The following PTGDR variants were observed in gnomAD, a reference collection of about 807,000 sequenced individuals.
The protein encoded by PTGDR is PGD2 receptor.
PTGDR carries 19 observed loss-of-function variants against 17.4 expected under a neutral mutation model. The observed-to-expected ratio is 1.09, with a 90% CI of 0.76 to 1.60. The LOEUF (loss-of-function observed/expected upper bound fraction) is 1.60, where lower values mean the gene tolerates loss of function less well. PTGDR is among the 40% of genes most tolerant of loss of function. PTGDR has a pLI of 0.00. For synonymous variants in PTGDR, 267 were observed against 224.2 expected (o/e 1.19, Z -1.71); for missense variants, 526 against 481.9 (o/e 1.09, Z -0.86).
At chr14:52,280,351 T>C (rs1323803672), downstream of PTGDR, among the ~76,000 whole-genome samples, 1 of 152,214 alleles carries the variant, frequency 6.6e-6, no homozygotes, top group Non-Finnish European at 1.5e-5. Context: ...GATTTACTGA[T>C]TATGATTGTG....
At chr14:52,274,631 C>A in intron 1 of PTGDR, 100 bp from the exon 2 acceptor site, 1 of 1,045,068 alleles carries the variant, frequency 9.6e-7, no homozygotes, top group Admixed American at 2.3e-5. Flanking sequence ...GTGTTCCAAG[C>A]TAAGCTGTCA....
chr14:52,270,362 A>G (rs1188852596), intron 1 of PTGDR, among the ~76,000 whole-genome samples: 2 of 152,144 alleles, frequency 1.3e-5, no homozygotes, highest in Non-Finnish European at 2.9e-5. Context: ...CCTGGCCAAC[A>G]TGGTGAAACC....
At chr14:52,277,085 C>A (rs1390328301), downstream of PTGDR, among the ~76,000 whole-genome samples, 1 of 152,036 alleles carries the variant, frequency 6.6e-6, no homozygotes, top group Non-Finnish European at 1.5e-5. Context: ...TTTACAGAGA[C>A]CTTGTGCCAA....
intron 1 of PTGDR, 119 bp downstream of exon 1, chr14:52,268,779 G>A: frequency 8.7e-7 from 1 of 1,153,776 alleles, no homozygotes; most frequent in Non-Finnish European, 1.2e-6. Flanking sequence ...CCCTGGGCCA[G>A]GAAGGTTTGC....
At position 52,267,850 on chromosome 14, in the gene PTGDR, C is replaced by A; in HGVS notation, c.36C>A (p.Thr12=). Reference sequence around the variant, plus strand: ...CGTTCTACCGCTGCCAGAACACCACCTCTGTGGAAAAAGGCAACTCGGCGG... The same window carrying A: ...CGTTCTACCGCTGCCAGAACACCACATCTGTGGAAAAAGGCAACTCGGCGG... The part of the protein sequence containing the change: ...KSPFYRCQNT[T]SVEKGNSAVM... The change falls in exon 1 of 2, where the codon ACC becomes ACA. Residue 12 remains threonine (T), a synonymous_variant. Transcript: ENST00000306051. 1 of 1,592,936 alleles carries A rather than the reference C, an allele frequency of 6.3e-7. No homozygotes were observed.
intron 1 of PTGDR, chr14:52,269,666 A>G (rs1392010972): frequency 2.6e-6 from 2 of 776,944 alleles, no homozygotes; most frequent in East Asian, 5.5e-5. Context: ...CATTTTGGAT[A>G]TTACTTTCAA....
downstream of PTGDR, among the ~76,000 whole-genome samples, chr14:52,280,750 G>A (rs11849190): frequency 0.032 from 4,808 of 152,264 alleles, 239 homozygotes; most frequent in African/African-American, 0.1. Flanking sequence ...AGGCATGAAT[G>A]ACTGTTTTCC....
At position 52,275,274 on chromosome 14, in the gene PTGDR, ATT is replaced by A. The variant is rs36144923; in HGVS notation, c.*321_*322del. On this transcript the variant is annotated 3_prime_UTR_variant, in exon 2 of 2. Coordinates refer to ENST00000306051, the MANE Select transcript of PTGDR (RefSeq NM_000953.3). ...CCCTACATTTGTGCTTGGTGGCCCTATTTTTTTTTTTTAGAGAGGCCTTGAGA... is the reference window on the plus strand; with the variant it reads ...CCCTACATTTGTGCTTGGTGGCCCTATTTTTTTTTTAGAGAGGCCTTGAGA... The A allele has an allele frequency of 6.5e-4, 127 of 195,940 alleles. No homozygotes were observed. The highest frequency in any genetic ancestry group is 1.3e-3 in the East Asian group (11 of 8,160). The allele number at this position is 195,940 out of a possible 1,614,324, so 12.1% of individuals were successfully genotyped here.
chr14:52,269,544 AC>A, intron 1 of PTGDR: 1 of 1,527,298 alleles, frequency 6.5e-7, no homozygotes, highest in Non-Finnish European at 8.8e-7. Context: ...CTCCCAAGGT[AC>A]CTGTTCAACA....
chr14:52,271,368 C>T (rs561152278), intron 1 of PTGDR, among the ~76,000 whole-genome samples: 1 of 152,052 alleles, frequency 6.6e-6, no homozygotes, highest in South Asian at 2.1e-4. Context: ...GTCTAAGGAC[C>T]CCTTTATACT....
chr14:52,280,146 G>T (rs569617362), downstream of PTGDR, among the ~76,000 whole-genome samples: 2 of 152,114 alleles, frequency 1.3e-5, no homozygotes, highest in East Asian at 3.9e-4. Flanking sequence ...TTAGTCTAGC[G>T]GTGCGTTGTA....
chr14:52,275,107 AG>A lies in PTGDR; in HGVS notation c.*144del. 1.5e-6 allele frequency: 1 copy of A among 673,354 alleles called. No individual in the cohort carries two copies. Among genetic ancestry groups the A allele is most frequent in the Non-Finnish European group, 2.5e-6 (1 of 405,636 alleles). The allele number at this position is 673,354 out of a possible 1,614,324, so 41.7% of individuals were successfully genotyped here. ...AAAAGCATGTATATGTATTTTCAAA[AG>A]TATTTGATATCTTAACAATGTGTTA... On this transcript the variant is annotated 3_prime_UTR_variant, in exon 2 of 2. Coordinates refer to ENST00000306051, the MANE Select transcript of PTGDR (RefSeq NM_000953.3).
chr14:52,277,250 G>A (rs1312390318), downstream of PTGDR, among the ~76,000 whole-genome samples: 1 of 152,190 alleles, frequency 6.6e-6, no homozygotes, highest in Non-Finnish European at 1.5e-5. Context: ...ACTATTAGAA[G>A]AGGAGGCCCA....
chr14:52,268,752 G>A (rs1230709206), intron 1 of PTGDR, 92 bp downstream of exon 1: 6 of 1,371,226 alleles, frequency 4.4e-6, no homozygotes, highest in African/African-American at 1.5e-5. Flanking sequence ...GATGGACGCG[G>A]CGCCAGGCGA....
At chr14:52,279,334 T>C (rs73294111), downstream of PTGDR, among the ~76,000 whole-genome samples, 1,874 of 152,336 alleles carry the variant, frequency 0.012, 34 homozygotes, top group African/African-American at 0.042. Flanking sequence ...CCCACTGTTA[T>C]CGACATTATG....
chr14:52,273,831 G>A (rs1479239131), intron 1 of PTGDR, among the ~76,000 whole-genome samples: 1 of 152,164 alleles, frequency 6.6e-6, no homozygotes, highest in Admixed American at 6.5e-5. Context: ...AGAATTGTAG[G>A]CATAGAGAAT....
At chr14:52,273,541 C>G (rs2033362469) in intron 1 of PTGDR, among the ~76,000 whole-genome samples, 1 of 152,186 alleles carries the variant, frequency 6.6e-6, no homozygotes. Context: ...TCCGCCCCCG[C>G]CCGACTTCAG....
chr14:52,269,563 T>C, intron 1 of PTGDR: 2 of 1,492,730 alleles, frequency 1.3e-6, no homozygotes, highest in African/African-American at 1.4e-5. Flanking sequence ...ACAAAAACAA[T>C]ACTTACAGAA....
At chr14:52,272,191 G>A (rs1005949284) in intron 1 of PTGDR, among the ~76,000 whole-genome samples, 3 of 150,850 alleles carry the variant, frequency 2.0e-5, no homozygotes, top group Non-Finnish European at 4.4e-5. Context: ...TTGTTCATTG[G>A]GGCTGGTGGC....
Sources: gnomAD v4.1 joint callset for allele counts (sites outside exome capture counted in the v4.1 genomes callset) on GRCh38, gnomAD v4.1.1 for gene constraint, MANE v1.5 for transcripts, NCBI Gene and HGNC (gene_info 2026-07-23, HGNC 2026-07-21) for gene names.